The following FGFR4 variants were observed in gnomAD, a reference collection of about 807,000 sequenced individuals.
FGFR4 encodes fibroblast growth factor receptor 4, also known as hydroxyaryl-protein kinase.
FGFR4 carries 63 observed loss-of-function variants against 89.9 expected under a neutral mutation model. The observed-to-expected ratio is 0.70, with a 90% CI of 0.57 to 0.86. FGFR4 has a LOEUF of 0.86. Ranked by LOEUF, FGFR4 falls within the 40% of genes least tolerant of loss-of-function variation. The pLI, the probability that FGFR4 is intolerant of heterozygous loss-of-function variation, is 0.00. For missense variants in FGFR4, 928 were observed against 1,106.7 expected, an observed-to-expected ratio of 0.84 and a Z score of 2.29; for synonymous variants, 486 against 479.4, an observed-to-expected ratio of 1.01 and a Z score of -0.18.
Position 177,090,622 on chromosome 5 carries a change from C to G in FGFR4, c.324C>G (p.Ile108Met), listed in dbSNP as rs781632034. ...RYLCLARGSM[I>M]VLQNLTLITG... ...TCTGCCTGGCACGAGGCTCCATGAT[C>G]GTCCTGCAGAATCTCACCTTGATTA... is the stretch of plus-strand genomic sequence containing the variant. Residue 108 changes from isoleucine (I) to methionine (M), a missense_variant, in exon 3 of 18, where the codon ATC (isoleucine) becomes ATG (methionine). Coordinates refer to ENST00000292408, the MANE Select transcript of FGFR4 (RefSeq NM_213647.3). The G allele has an allele frequency of 2.0e-6, 3 of 1,522,056 alleles. No individual in the cohort carries two copies. The highest frequency in any genetic ancestry group is 2.6e-6 in the Non-Finnish European group (3 of 1,136,840). 94.3% of individuals were successfully genotyped at this position (1,522,056 alleles called of 1,614,324 possible). A position where few individuals can be genotyped will look rare whatever the true frequency, so the allele number is the denominator to read the frequency against.
At chr5:177,092,985 T>A in intron 8 of FGFR4, 153 bp from the exon 9 acceptor site, 1 of 1,274,832 alleles carries the variant, frequency 7.8e-7, no homozygotes, top group Non-Finnish European at 1.1e-6. Flanking sequence ...TCTGCTGAGG[T>A]GTGGGTGCCT....
chr5:177,090,135 C>CGGGT, intron 2 of FGFR4: 1 of 650,476 alleles, frequency 1.5e-6, no homozygotes, highest in Non-Finnish European at 2.8e-6. Context: ...TGTGTGTATG[C>CGGGT]GTGTGTGTGT....
In FGFR4 at chr5:177,088,357, G is replaced by A. The variant is rs1403771338; in HGVS notation, c.-53-1193G>A. Reference sequence around the variant, plus strand: ...GTGAACCATCGCGCCCAGCCGACTTGTAGTTTTTTAAAACTCTGCTGGAAG... The same window carrying A: ...GTGAACCATCGCGCCCAGCCGACTTATAGTTTTTTAAAACTCTGCTGGAAG... On this transcript the variant is annotated intron_variant, in intron 1 of 17. Coordinates refer to ENST00000292408, the MANE Select transcript of FGFR4 (RefSeq NM_213647.3). 6 of 188,214 alleles carry A rather than the reference G, an allele frequency of 3.2e-5. No individual in the cohort carries two copies. The East Asian group carries it at 5.0e-4, about 16-fold the overall frequency. The allele number at this position is 188,214 out of a possible 1,614,324, so 11.7% of individuals were successfully genotyped here. A position where few individuals can be genotyped will look rare whatever the true frequency, so the allele number is the denominator to read the frequency against.
intron 8 of FGFR4, 57 bp downstream of exon 8, chr5:177,092,841 G>A: frequency 1.2e-6 from 2 of 1,612,882 alleles, no homozygotes; most frequent in Non-Finnish European, 1.7e-6. Context: ...CCAGCAGTGG[G>A]GGCTGTGGCC....
Position 177,095,559 on chromosome 5 carries a change from G to GC in FGFR4, c.1659dup (p.Ala554ArgfsTer28). On this transcript the variant is annotated frameshift_variant, in exon 13 of 18. Transcript: ENST00000292408. LOFTEE classifies it high-confidence loss of function. This position sits in a 1 kb window ranked among gnomAD's most constrained non-coding sequence, Gnocchi z 5.7. ...GCCCCTGTACGTGATCGTGGAGTGC[G>GC]CCGCCAAGGGAAACCTGCGGGAGTT... 1 of 1,609,678 alleles carries GC rather than the reference G, an allele frequency of 6.2e-7. No homozygotes were observed. Among genetic ancestry groups the GC allele is most frequent in the Non-Finnish European group, 8.5e-7 (1 of 1,178,242 alleles).
At chr5:177,089,761 G>T (rs749852676) in intron 2 of FGFR4, 68 bp downstream of exon 2, 1 of 1,565,980 alleles carries the variant, frequency 6.4e-7, no homozygotes, top group Non-Finnish European at 8.7e-7. Flanking sequence ...GGGCTGCTGG[G>T]CTGAGCAAAG....
In FGFR4 at chr5:177,095,842, C is replaced by G; in HGVS notation, c.1821+119C>G. 15 of 1,268,782 alleles carry G rather than the reference C, an allele frequency of 1.2e-5. No individual in the cohort carries two copies. Among genetic ancestry groups the G allele is most frequent in the Admixed American group, 2.8e-5 (1 of 35,760 alleles). 78.6% of individuals were successfully genotyped at this position (1,268,782 alleles called of 1,614,324 possible). ...TTTTTCATGACCCCACCTCAGTGTC[C>G]CCAGGCATTCACGCTTTCCTGCATT... On this transcript the variant is annotated intron_variant, in intron 13 of 17. Coordinates refer to ENST00000292408, the MANE Select transcript of FGFR4 (RefSeq NM_213647.3). This position sits in a 1 kb window ranked among gnomAD's most constrained non-coding sequence, Gnocchi z 5.7.
chr5:177,087,829 A>T lies in FGFR4; in HGVS notation c.-54+752A>T, dbSNP rs1784204820. Among the ~76,000 whole-genome samples the T allele has an allele frequency of 6.6e-6, 1 of 152,056 alleles. No homozygotes were observed. The highest frequency in any genetic ancestry group is 6.5e-5 in the Admixed American group (1 of 15,272). ...GAAGAGCAATGAGGGGCACAGAGGG[A>T]TGGGCAAGAGAGCACATGTGCCCAG... On this transcript the variant is annotated intron_variant, in intron 1 of 17. Coordinates refer to ENST00000292408, the MANE Select transcript of FGFR4 (RefSeq NM_213647.3). The surrounding 1 kb of genome is among the most constrained non-coding windows in gnomAD (Gnocchi z 6.1).
At position 177,093,169 on chromosome 5, in the gene FGFR4, C is replaced by G. The variant is rs781712343; in HGVS notation, c.1089C>G (p.Pro363=). 1.9e-6 allele frequency: 3 copies of G among 1,614,026 alleles called. No individual in the cohort carries two copies. The highest frequency in any genetic ancestry group is 3.3e-5 in the Admixed American group (2 of 60,024). ...EEDPTWTAAA[P]EARYTDIILY... The stretch of plus-strand genomic sequence containing the variant: ...ACCCCACATGGACCGCAGCAGCGCC[C>G]GAGGCCAGGTATACGGACATCATCC... Residue 363 remains proline, a synonymous_variant, in exon 9 of 18, where the codon CCC becomes CCG. Coordinates refer to ENST00000292408, the MANE Select transcript of FGFR4 (RefSeq NM_213647.3). This position sits in a 1 kb window ranked among gnomAD's most constrained non-coding sequence, Gnocchi z 5.8.
chr5:177,093,221 G>A lies in FGFR4; in HGVS notation c.1141G>A (p.Ala381Thr), dbSNP rs2149735188. 1 of 1,612,688 alleles carries A rather than the reference G, an allele frequency of 6.2e-7. No homozygotes were observed. The highest frequency in any genetic ancestry group is 2.2e-5 in the East Asian group (1 of 44,812). ...ILYASGSLALAVLLLLAGLYR... is the reference protein window; with the variant it reads ...ILYASGSLALTVLLLLAGLYR... ...GTACGCGTCGGGCTCCCTGGCCTTG[G>A]CTGTGCTCCTGCTGCTGGCCGGGCT... The change falls in exon 9 of 18, where the codon GCT becomes ACT. Residue 381 changes from alanine to threonine, a missense_variant. Ala to Thr is a moderately conservative substitution (Grantham distance 58). Around this residue, in one of 5 missense-constraint regions of FGFR4, gnomAD observed 741 missense variants for 836.9 expected, o/e 0.89. Coordinates refer to ENST00000292408, the MANE Select transcript of FGFR4 (RefSeq NM_213647.3). The surrounding 1 kb of genome is among the most constrained non-coding windows in gnomAD (Gnocchi z 5.8).
Position 177,092,984 on chromosome 5 carries a change from G to A in FGFR4, c.1058-154G>A, listed in dbSNP as rs185864802. On this transcript the variant is annotated intron_variant, in intron 8 of 17. Transcript: ENST00000292408. Reference sequence around the variant, plus strand: ...GCCGTCCATGTGACCGTCTGCTGAGGTGTGGGTGCCTGGGACTGGGCATAA... The same window carrying A: ...GCCGTCCATGTGACCGTCTGCTGAGATGTGGGTGCCTGGGACTGGGCATAA... 4.0e-4 allele frequency: 517 copies of A among 1,278,660 alleles called. 3 individuals carry two copies. In the African/African-American group the frequency reaches 7.0e-3, roughly 17 times the overall value. The allele number at this position is 1,278,660 out of a possible 1,614,324, so 79.2% of individuals were successfully genotyped here.
intron 5 of FGFR4, 104 bp from the exon 6 acceptor site, chr5:177,091,581 G>A: frequency 6.7e-7 from 1 of 1,494,354 alleles, no homozygotes; most frequent in Non-Finnish European, 9.1e-7. Context: ...GGCCTAGAGA[G>A]CTTGACAAGA....
chr5:177,088,809 A>T (rs1237374592), intron 1 of FGFR4, among the ~76,000 whole-genome samples: 15 of 47,974 alleles, frequency 3.1e-4, no homozygotes, highest in Admixed American at 4.7e-4. Context: ...ACATTCCAAC[A>T]CTCTGCGTGC....
chr5:177,091,392 G>C (rs971363762), intron 5 of FGFR4, among the ~76,000 whole-genome samples: 2 of 152,226 alleles, frequency 1.3e-5, no homozygotes, highest in African/African-American at 4.8e-5. Context: ...AGACCCTGCA[G>C]GGTCGGCTCC....
chr5:177,091,678 C>A lies in FGFR4; in HGVS notation c.604-7C>A, dbSNP rs778225351. The A allele has an allele frequency of 6.2e-7, 1 of 1,614,018 alleles. No individual in the cohort carries two copies. The highest frequency in any genetic ancestry group is 2.2e-5 in the East Asian group (1 of 44,872). ...CCGGTGGTCCCGGACACTCTCTCTG[C>A]CTGCAGCTGCGCCATCAGCACTGGA... On this transcript the variant is annotated splice_polypyrimidine_tract_variant and splice_region_variant and intron_variant, in intron 5 of 17. Transcript: ENST00000292408.
Position 177,097,332 on chromosome 5 carries a change from C to A in FGFR4, c.2194C>A (p.Gln732Lys). The A allele has an allele frequency of 6.2e-7, 1 of 1,611,444 alleles. No individual in the cohort carries two copies. Among genetic ancestry groups the A allele is most frequent in the Non-Finnish European group, 8.5e-7 (1 of 1,179,192 alleles). ...MRECWHAAPS[Q>K]RPTFKQLVEA... The stretch of plus-strand genomic sequence containing the variant: ...TGAGTGCTGGCACGCAGCGCCCTCC[C>A]AGAGGCCTACCTTCAAGCAGCTGGT... Residue 732 changes from glutamine to lysine, a missense_variant, in exon 17 of 18, where the codon CAG becomes AAG. By Grantham distance (53) the Gln-to-Lys change is moderately conservative. Transcript: ENST00000292408.
chr5:177,096,777 G>GTCC (rs747817885), intron 16 of FGFR4, 36 bp downstream of exon 16: 4 of 1,551,434 alleles, frequency 2.6e-6, no homozygotes, highest in East Asian at 2.3e-5. Flanking sequence ...CCACTTTCCA[G>GTCC]TCCTCCTCCT....
chr5:177,095,745 G>T lies in FGFR4; in HGVS notation c.1821+22G>T. The T allele has an allele frequency of 6.4e-7, 1 of 1,556,102 alleles. No homozygotes were observed. The highest frequency in any genetic ancestry group is 2.0e-5 in the Admixed American group (1 of 50,322). On this transcript the variant is annotated intron_variant, in intron 13 of 17. Coordinates refer to ENST00000292408, the MANE Select transcript of FGFR4 (RefSeq NM_213647.3). The surrounding 1 kb of genome is among the most constrained non-coding windows in gnomAD (Gnocchi z 5.7). Reference sequence around the variant, plus strand: ...GAAGGTACAGGCGCTAGGGCTCTGAGCCCCTCTCAGTCTCTCCAGCTCCAC... The same window carrying T: ...GAAGGTACAGGCGCTAGGGCTCTGATCCCCTCTCAGTCTCTCCAGCTCCAC...
Position 177,097,825 on chromosome 5 carries a change from G to A in FGFR4, c.*149G>A, listed in dbSNP as rs960172232. On this transcript the variant is annotated 3_prime_UTR_variant, in exon 18 of 18. Transcript: ENST00000292408. Reference sequence around the variant, plus strand: ...TCCAAGGGCCGTGCCCTTGCCCTTGGAGCTGCCGTGCCTGTGTCCTGATGG... The same window carrying A: ...TCCAAGGGCCGTGCCCTTGCCCTTGAAGCTGCCGTGCCTGTGTCCTGATGG... The A allele has an allele frequency of 2.1e-6, 2 of 963,842 alleles. No individual in the cohort carries two copies. The highest frequency in any genetic ancestry group is 3.3e-5 in the African/African-American group (2 of 60,708). The allele number at this position is 963,842 out of a possible 1,614,324, so 59.7% of individuals were successfully genotyped here.
Sources: allele counts gnomAD v4.1 joint callset (sites outside exome capture counted in the v4.1 genomes callset), GRCh38; gene constraint gnomAD v4.1.1; regional missense constraint gnomAD v4.1.1; non-coding constraint Gnocchi (gnomAD v3.1); transcripts MANE v1.5; gene names NCBI Gene and HGNC (gene_info 2026-07-23, HGNC 2026-07-21).